KLHL1: variants seen among roughly 807,000 people sequenced by gnomAD.
KLHL1 encodes kelch like family member 1.
Under a neutral mutation model 77.7 loss-of-function variants are expected in KLHL1, and 47 were observed. The ratio of observed to expected loss-of-function variants is 0.60; its 90% confidence interval spans 0.48 to 0.77. The LOEUF is 0.77. Among genes scored for constraint, KLHL1 ranks in the 30% least tolerant of loss-of-function variants. KLHL1 has a pLI of 0.00. For missense variants in KLHL1, 925 were observed against 910.8 expected (o/e 1.02, Z -0.20); for synonymous variants, 360 against 325.2 (o/e 1.11, Z -1.15).
At chr13:69,915,889 A>T (rs1882413789) in intron 4 of KLHL1, among the ~76,000 whole-genome samples, 1 of 152,088 alleles carries the variant, frequency 6.6e-6, no homozygotes, top group Non-Finnish European at 1.5e-5. Context: ...ACTCAAACAA[A>T]TTTACAAGAA....
intron 1 of KLHL1, among the ~76,000 whole-genome samples, chr13:70,024,015 G>A (rs1885869604): frequency 6.6e-6 from 1 of 151,718 alleles, no homozygotes. Flanking sequence ...TGTCAAAAAT[G>A]TTTATCATGA....
intron 6 of KLHL1, among the ~76,000 whole-genome samples, chr13:69,831,210 C>T (rs1200107028): frequency 1.3e-5 from 2 of 149,214 alleles, no homozygotes; most frequent in African/African-American, 5.0e-5. Context: ...TGAGATTAAC[C>T]AAGAAAAGAA....
intron 4 of KLHL1, among the ~76,000 whole-genome samples, chr13:69,912,810 C>G (rs185631598): frequency 1.7e-4 from 26 of 152,212 alleles, no homozygotes; most frequent in Admixed American, 8.5e-4. Flanking sequence ...TGGCTGGTTC[C>G]TGAAGAGGCC....
intron 6 of KLHL1, among the ~76,000 whole-genome samples, chr13:69,836,069 C>T (rs1374500884): frequency 1.3e-5 from 2 of 152,010 alleles, no homozygotes; most frequent in African/African-American, 2.4e-5. Context: ...ACTTAAAAGC[C>T]TGAAGTCCCA....
chr13:69,917,862 C>T (rs938501535), intron 4 of KLHL1, among the ~76,000 whole-genome samples: 26 of 151,862 alleles, frequency 1.7e-4, no homozygotes, highest in African/African-American at 4.6e-4. Flanking sequence ...CATTCACATG[C>T]GAAGTTTGCT....
chr13:69,939,526 A>C (rs897825578), intron 4 of KLHL1, among the ~76,000 whole-genome samples: 1 of 151,808 alleles, frequency 6.6e-6, no homozygotes, highest in African/African-American at 2.4e-5. Flanking sequence ...AAATGTATAA[A>C]AGGGCAGCTG....
chr13:70,006,502 G>GTTTT (rs35894102), intron 1 of KLHL1, among the ~76,000 whole-genome samples: 1 of 139,042 alleles, frequency 7.2e-6, no homozygotes, highest in Non-Finnish European at 1.5e-5. Context: ...TCCCCCTCAA[G>GTTTT]TTTTTTTTTT....
chr13:69,917,733 T>C (rs1195155692), intron 4 of KLHL1, among the ~76,000 whole-genome samples: 3 of 152,136 alleles, frequency 2.0e-5, no homozygotes, highest in Non-Finnish European at 4.4e-5. Context: ...TATAGGTCTT[T>C]GCAAGGTTTT....
In KLHL1 at chr13:69,961,950, C is replaced by T. The variant is rs530864512; in HGVS notation, c.681-506G>A. ...ATTTAACTATTAGTAACATATTATT[C>T]TTTCATAAGTAGAGTTTTAGGCTTT... On this transcript the variant is annotated intron_variant, in intron 2 of 10. Coordinates refer to ENST00000377844, the MANE Select transcript of KLHL1 (RefSeq NM_020866.3). Among the ~76,000 whole-genome samples the T allele has an allele frequency of 2.6e-5, 4 of 151,906 alleles. No individual in the cohort carries two copies. The East Asian group carries it at 5.8e-4, about 22-fold the overall frequency.
intron 10 of KLHL1, among the ~76,000 whole-genome samples, chr13:69,706,873 C>A (rs893699476): frequency 1.2e-4 from 17 of 141,148 alleles, no homozygotes; most frequent in Non-Finnish European, 2.6e-4. Flanking sequence ...CCTCATCTTC[C>A]CATCACACAC....
chr13:70,106,433 T>C (rs541098848), intron 1 of KLHL1, among the ~76,000 whole-genome samples: 97 of 152,328 alleles, frequency 6.4e-4, no homozygotes, highest in South Asian at 1.2e-3. Flanking sequence ...TGAAGGATTT[T>C]CTGTAAGTCT....
chr13:70,028,388 G>A (rs1886009995), intron 1 of KLHL1, among the ~76,000 whole-genome samples: 1 of 152,018 alleles, frequency 6.6e-6, no homozygotes, highest in South Asian at 2.1e-4. Context: ...AATTGTTGGT[G>A]GGATTATGAG....
intron 4 of KLHL1, among the ~76,000 whole-genome samples, chr13:69,889,821 A>G (rs539377621): frequency 1.3e-5 from 2 of 152,196 alleles, no homozygotes; most frequent in South Asian, 4.1e-4. Flanking sequence ...AATTAAATTT[A>G]CTATCCTTAG....
chr13:70,035,489 A>C (rs912533629), intron 1 of KLHL1, among the ~76,000 whole-genome samples: 2 of 152,094 alleles, frequency 1.3e-5, no homozygotes, highest in African/African-American at 4.8e-5. Context: ...GGTACAAAAA[A>C]TAAATAGAAA....
intron 1 of KLHL1, among the ~76,000 whole-genome samples, chr13:70,042,646 T>C (rs1886404251): frequency 2.0e-5 from 3 of 152,226 alleles, no homozygotes; most frequent in African/African-American, 7.2e-5. Context: ...TACTTGATAA[T>C]TATAATCAAT....
chr13:69,707,712 G>A lies in KLHL1; in HGVS notation c.2100C>T (p.Asp700=). 1 of 1,612,876 alleles carries A rather than the reference G, an allele frequency of 6.2e-7. No homozygotes were observed. Among genetic ancestry groups the A allele is most frequent in the Non-Finnish European group, 8.5e-7 (1 of 1,179,270 alleles). The change falls in exon 10 of 11, where the codon GAC becomes GAT. Residue 700 remains aspartate, a synonymous_variant. Coordinates refer to ENST00000377844, the MANE Select transcript of KLHL1 (RefSeq NM_020866.3). ...CATAGCCACCAACAGCATATAATCT[G>A]TCACCAAGGAGACAGACCCCAACAG... The part of the protein sequence containing the change: ...RDAVGVCLLG[D]RLYAVGGYDG...
At chr13:69,934,944 C>A (rs1476735082) in intron 4 of KLHL1, among the ~76,000 whole-genome samples, 2 of 85,938 alleles carry the variant, frequency 2.3e-5, no homozygotes, top group Non-Finnish European at 5.0e-5. Flanking sequence ...GTAAAATTTA[C>A]CGTGTGTGTG....
chr13:70,045,763 C>A (rs954912059), intron 1 of KLHL1, among the ~76,000 whole-genome samples: 4 of 152,098 alleles, frequency 2.6e-5, no homozygotes, highest in Non-Finnish European at 4.4e-5. Flanking sequence ...TTAGTAAAAG[C>A]AAATGTTTCA....
intron 6 of KLHL1, among the ~76,000 whole-genome samples, chr13:69,829,192 C>T (rs1407776046): frequency 6.7e-6 from 1 of 150,258 alleles, no homozygotes; most frequent in Admixed American, 6.6e-5. Context: ...AGGACCCTCA[C>T]ACAATTCACT....
Sources: allele counts gnomAD v4.1 joint callset (sites outside exome capture counted in the v4.1 genomes callset), GRCh38; gene constraint gnomAD v4.1.1; transcripts MANE v1.5; gene names NCBI Gene and HGNC (gene_info 2026-07-23, HGNC 2026-07-21).